The following KLHL12 variants were observed in gnomAD, a reference collection of about 807,000 sequenced individuals.
KLHL12 encodes the protein kelch-like protein 12.
KLHL12 carries 17 observed loss-of-function variants against 60.8 expected under a neutral mutation model. The observed-to-expected ratio is 0.28, with a 90% CI of 0.19 to 0.42. KLHL12 has a LOEUF of 0.42. Among genes scored for constraint, KLHL12 ranks in the 10% least tolerant of loss-of-function variants. KLHL12 has a pLI of 1.00. For synonymous variants in KLHL12, 220 were observed against 250.9 expected, an observed-to-expected ratio of 0.88 and a Z score of 1.16; for missense variants, 468 against 722.3, an observed-to-expected ratio of 0.65 and a Z score of 4.04.
At position 202,893,525 on chromosome 1, in the gene KLHL12, T is replaced by A; in HGVS notation, c.1394-100A>T. 3.0e-6 allele frequency: 3 copies of A among 986,760 alleles called. No homozygotes were observed. The highest frequency in any genetic ancestry group is 3.0e-6 in the Non-Finnish European group (2 of 656,130). 61.1% of individuals were successfully genotyped at this position (986,760 alleles called of 1,614,324 possible). On this transcript the variant is annotated intron_variant, in intron 10 of 11. Transcript: ENST00000367261. The surrounding 1 kb of genome is among the most constrained non-coding windows in gnomAD (Gnocchi z 4.1). Reference sequence around the variant, plus strand: ...ACTAATGACTAGCTGAGTTCTACAGTAGATGAGGGATATGGAATGGGCCCA... The same window carrying A: ...ACTAATGACTAGCTGAGTTCTACAGAAGATGAGGGATATGGAATGGGCCCA...
chr1:202,907,061 C>T (rs552917222), intron 6 of KLHL12, among the ~76,000 whole-genome samples: 29 of 152,202 alleles, frequency 1.9e-4, no homozygotes, highest in African/African-American at 6.7e-4. Context: ...AGTTTTTCAC[C>T]ATTCAGTCCT....
Position 202,925,222 on chromosome 1 carries a change from A to G in KLHL12, c.-45-15T>C, listed in dbSNP as rs1228600312. 6.2e-7 allele frequency: 1 copy of G among 1,600,986 alleles called. No individual in the cohort carries two copies. Among genetic ancestry groups the G allele is most frequent in the East Asian group, 2.2e-5 (1 of 44,802 alleles). On this transcript the variant is annotated splice_polypyrimidine_tract_variant and intron_variant, in intron 1 of 11. Transcript: ENST00000367261. ...GGATTCTGCAACTACAAGAGGGAAA[A>G]AAAAACAATGAGCATATTCAAAGAA... is the stretch of plus-strand genomic sequence containing the variant.
At chr1:202,906,884 A>T (rs181305009) in intron 6 of KLHL12, among the ~76,000 whole-genome samples, 202 of 152,260 alleles carry the variant, frequency 1.3e-3, no homozygotes, top group African/African-American at 4.4e-3. Flanking sequence ...CTGGTCTCGA[A>T]CTACTGACCT....
At position 202,891,459 on chromosome 1, in the gene KLHL12, C is replaced by A. The variant is rs1295885815; in HGVS notation, c.*1074G>T. 6.6e-6 allele frequency: 1 copy of A among 152,562 alleles called. No homozygotes were observed. Among genetic ancestry groups the A allele is most frequent in the Non-Finnish European group, 1.5e-5 (1 of 68,056 alleles). 9.5% of individuals were successfully genotyped at this position (152,562 alleles called of 1,614,324 possible). On this transcript the variant is annotated 3_prime_UTR_variant, in exon 12 of 12. Coordinates refer to ENST00000367261, the MANE Select transcript of KLHL12 (RefSeq NM_021633.4). Reference sequence around the variant, plus strand: ...GAAAAAAGACTAGATGTACCAAACACAGCAGTACAAACCACTCCTTGGCAG... The same window carrying A: ...GAAAAAAGACTAGATGTACCAAACAAAGCAGTACAAACCACTCCTTGGCAG...
Position 202,893,481 on chromosome 1 carries a change from A to G in KLHL12, c.1394-56T>C. On this transcript the variant is annotated intron_variant, in intron 10 of 11. Transcript: ENST00000367261. This position sits in a 1 kb window ranked among gnomAD's most constrained non-coding sequence, Gnocchi z 4.1. ...TGGTACTAAGCCTAGAATCTGAATT[A>G]TAGAAATAAACTACGGTCACTAATG... The G allele has an allele frequency of 6.9e-7, 1 of 1,451,464 alleles. No homozygotes were observed. Among genetic ancestry groups the G allele is most frequent in the Non-Finnish European group, 9.5e-7 (1 of 1,055,050 alleles). 89.9% of individuals were successfully genotyped at this position (1,451,464 alleles called of 1,614,324 possible).
Position 202,911,183 on chromosome 1 carries a change from G to A in KLHL12, c.588C>T (p.Val196=). 1 of 1,614,042 alleles carries A rather than the reference G, an allele frequency of 6.2e-7. No individual in the cohort carries two copies. Among genetic ancestry groups the A allele is most frequent in the Non-Finnish European group, 8.5e-7 (1 of 1,179,994 alleles). The change falls in exon 5 of 12, where the codon GTC becomes GTT. Residue 196 remains valine, a synonymous_variant. Transcript: ENST00000367261. The part of the protein sequence containing the change: ...DEIQVDSEEP[V]FEAVINWVKH... ...TCACCCAGTTGATGACAGCCTCAAA[G>A]ACTGGCTCTTCAGAATCCACCTGTA...
At chr1:202,918,019 CAAAT>C in intron 4 of KLHL12, 148 bp downstream of exon 4, 1 of 643,040 alleles carries the variant, frequency 1.6e-6, no homozygotes, top group Non-Finnish European at 2.7e-6. Context: ...CATAAAAATG[CAAAT>C]AAATTTGGTA....
At chr1:202,924,719 CTA>C (rs971441339) in intron 2 of KLHL12, among the ~76,000 whole-genome samples, 1 of 152,146 alleles carries the variant, frequency 6.6e-6, no homozygotes, top group Admixed American at 6.5e-5. Context: ...TAAGCACTTC[CTA>C]TGTTATTTCA....
At chr1:202,904,302 C>A (rs758970747) in intron 6 of KLHL12, among the ~76,000 whole-genome samples, 1 of 152,246 alleles carries the variant, frequency 6.6e-6, no homozygotes. Flanking sequence ...CCCTGCCAGG[C>A]CAACCCTTTA....
chr1:202,924,878 A>G (rs1442716452), intron 2 of KLHL12, 90 bp downstream of exon 2: 8 of 1,484,992 alleles, frequency 5.4e-6, no homozygotes, highest in Non-Finnish European at 7.2e-6. Context: ...AAAATTCAAA[A>G]TTATATCAAA....
chr1:202,902,285 C>A (rs577981515), intron 6 of KLHL12, among the ~76,000 whole-genome samples: 1 of 152,014 alleles, frequency 6.6e-6, no homozygotes, highest in Non-Finnish European at 1.5e-5. Context: ...CAAAAATCAG[C>A]CAGACATGGT....
intron 4 of KLHL12, chr1:202,912,508 T>C: frequency 1.0e-6 from 1 of 956,538 alleles, no homozygotes; most frequent in South Asian, 1.3e-5. Context: ...ATAATGGATT[T>C]GGTAATGATG....
chr1:202,919,794 G>C lies in KLHL12; in HGVS notation c.310C>G (p.Gln104Glu). 6.2e-7 allele frequency: 1 copy of C among 1,613,542 alleles called. No individual in the cohort carries two copies. The highest frequency in any genetic ancestry group is 8.5e-7 in the Non-Finnish European group (1 of 1,179,812). Residue 104 changes from glutamine (Q) to glutamate (E), a missense_variant, in exon 3 of 12, where the codon CAA becomes GAA. Physicochemically the swap from Gln to Glu is conservative, Grantham distance 29. This residue lies in a region of KLHL12 where 339 missense variants were observed against 525.0 expected (regional missense o/e 0.65). Transcript: ENST00000367261. ...ETVHVTVENV[Q>E]ELLPAACLLQ... The stretch of plus-strand genomic sequence containing the variant: ...AGACAGGCTGCAGGAAGCAGTTCTT[G>C]TACATTCTCCACTGTCACATGTACT...
chr1:202,910,263 T>C (rs1342604950), intron 5 of KLHL12, among the ~76,000 whole-genome samples: 1 of 152,230 alleles, frequency 6.6e-6, no homozygotes, highest in Admixed American at 6.5e-5. Flanking sequence ...ATTTGGGATT[T>C]CAGGCCCGAG....
intron 8 of KLHL12, 107 bp from the exon 9 acceptor site, chr1:202,894,856 A>G (rs984683470): frequency 1.1e-5 from 10 of 875,888 alleles, no homozygotes; most frequent in Middle Eastern, 2.2e-4. Flanking sequence ...GAGCAAAAAC[A>G]AAGTATTTTT....
chr1:202,892,593 G>A lies in KLHL12; in HGVS notation c.1647C>T (p.Val549=), dbSNP rs773437329. Reference sequence around the variant, plus strand: ...AGCGCTGGGTTCCCATGGATGTCACGACTTCCCAGCTGTCGATGATAGGGT... The same window carrying A: ...AGCGCTGGGTTCCCATGGATGTCACAACTTCCCAGCTGTCGATGATAGGGT... The part of the protein sequence containing the change: ...CYDPIIDSWE[V]VTSMGTQRCD... The change falls in exon 12 of 12, where the codon GTC becomes GTT. Residue 549 remains valine (V), a synonymous_variant. Coordinates refer to ENST00000367261, the MANE Select transcript of KLHL12 (RefSeq NM_021633.4). 8.7e-6 allele frequency: 14 copies of A among 1,613,970 alleles called. No homozygotes were observed. Among genetic ancestry groups the A allele is most frequent in the South Asian group, 4.4e-5 (4 of 91,076 alleles).
intron 6 of KLHL12, among the ~76,000 whole-genome samples, chr1:202,903,861 G>A (rs1056139217): frequency 1.3e-5 from 2 of 151,332 alleles, no homozygotes; most frequent in African/African-American, 4.9e-5. Context: ...GGGCTCCATC[G>A]CCTGCCTCAG....
At chr1:202,903,431 A>G (rs1660074615) in intron 6 of KLHL12, among the ~76,000 whole-genome samples, 1 of 131,394 alleles carries the variant, frequency 7.6e-6, no homozygotes, top group Non-Finnish European at 1.6e-5. Flanking sequence ...TGTACACTCA[A>G]ATCTTTATTG....
At position 202,911,996 on chromosome 1, in the gene KLHL12, C is replaced by T. The variant is rs543572478; in HGVS notation, c.568-793G>A. The T allele has an allele frequency of 6.6e-5, 53 of 798,486 alleles. No individual in the cohort carries two copies. The East Asian group carries it at 1.1e-3, about 17-fold the overall frequency. The allele number at this position is 798,486 out of a possible 1,614,324, so 49.5% of individuals were successfully genotyped here. A position where few individuals can be genotyped will look rare whatever the true frequency, so the allele number is the denominator to read the frequency against. On this transcript the variant is annotated intron_variant, in intron 4 of 11. Transcript: ENST00000367261. ...TGCTCCAGGGGCTTTGGGTTTGTCA[C>T]ATATGCCATTGTGGAGGAGGTGGAT... is the stretch of plus-strand genomic sequence containing the variant.
Sources: gnomAD v4.1 joint callset for allele counts (sites outside exome capture counted in the v4.1 genomes callset) on GRCh38, gnomAD v4.1.1 for gene constraint, gnomAD v4.1.1 regional missense constraint, Gnocchi (gnomAD v3.1) non-coding constraint, MANE v1.5 for transcripts, NCBI Gene and HGNC (gene_info 2026-07-23, HGNC 2026-07-21) for gene names.